GPHN: variants seen among roughly 807,000 people sequenced by gnomAD.
GPHN encodes gephyrin.
A neutral mutation model predicts 95.5 loss-of-function variants in GPHN; 17 were observed. That is an observed-to-expected ratio of 0.18 (90% CI 0.12 to 0.27). GPHN has a LOEUF of 0.27. Among genes scored for constraint, GPHN ranks in the 10% least tolerant of loss-of-function variants. The pLI, the probability that GPHN is intolerant of heterozygous loss-of-function variation, is 1.00. For synonymous variants in GPHN, 320 were observed against 322.5 expected (o/e 0.99, Z 0.08); for missense variants, 660 against 978.1 (o/e 0.67, Z 4.34).
the GPHN span, among the ~76,000 whole-genome samples, chr14:67,297,065 C>A: frequency 1.0e-3 from 154 of 152,094 alleles, no homozygotes; most frequent in Non-Finnish European, 1.9e-3. Context: ...TGATAATAGT[C>A]AAAAATAATA....
Position 67,174,967 on chromosome 14 carries a change from C to G in GPHN, c.2080-4611C>G, listed in dbSNP as rs907398344. Among the ~76,000 whole-genome samples, 4 of 152,050 alleles carry G rather than the reference C, an allele frequency of 2.6e-5. No individual in the cohort carries two copies. The South Asian group carries it at 8.3e-4, about 32-fold the overall frequency. ...AATTTGTTTAAGTTCTTTGTAGATT[C>G]TGGATATTAGCCCTTTGTCAGATGG... On this transcript the variant is annotated intron_variant, in intron 21 of 22. Coordinates refer to ENST00000478722, the MANE Select transcript of GPHN (RefSeq NM_020806.5).
intron 1 of GPHN, among the ~76,000 whole-genome samples, chr14:66,569,871 A>G (rs67583563): frequency 0.017 from 2,620 of 152,192 alleles, 30 homozygotes; most frequent in Non-Finnish European, 0.026. Flanking sequence ...TCACCATGAT[A>G]TATAATAGAT....
At chr14:67,430,839 T>C in the GPHN span, among the ~76,000 whole-genome samples, 1 of 152,172 alleles carries the variant, frequency 6.6e-6, no homozygotes, top group Non-Finnish European at 1.5e-5. Flanking sequence ...CTGAGGATTC[T>C]GTGATCAAAG....
In GPHN at chr14:66,760,986, C is replaced by A; in HGVS notation, c.144-15478C>A. ...GGAAGAGAAAATGGTATAGCAGTTA[C>A]CAGAGGATGTGGATATGGAAGATGC... On this transcript the variant is annotated intron_variant, in intron 2 of 22. Coordinates refer to ENST00000478722, the MANE Select transcript of GPHN (RefSeq NM_020806.5). 3 of 610,956 alleles carry A rather than the reference C, an allele frequency of 4.9e-6. No individual in the cohort carries two copies. The East Asian group carries it at 1.2e-4, about 25-fold the overall frequency. 37.8% of individuals were successfully genotyped at this position (610,956 alleles called of 1,614,324 possible).
At chr14:67,535,700 C>T in the GPHN span, among the ~76,000 whole-genome samples, 1 of 152,086 alleles carries the variant, frequency 6.6e-6, no homozygotes, top group Middle Eastern at 3.2e-3. Context: ...ATCTTTGGGC[C>T]ACATCTCCTT....
At chr14:67,653,934 A>G in the GPHN span, among the ~76,000 whole-genome samples, 1 of 151,942 alleles carries the variant, frequency 6.6e-6, no homozygotes, top group African/African-American at 2.4e-5. Context: ...TTTTTTCTTT[A>G]CCCTCTTAAG....
intron 9 of GPHN, chr14:66,996,328 T>G: frequency 1.3e-6 from 1 of 742,950 alleles, no homozygotes; most frequent in East Asian, 2.7e-5. Flanking sequence ...ACTTTGCACT[T>G]GCCTGAAAGG....
chr14:66,856,883 C>A (rs2062825950), intron 4 of GPHN, among the ~76,000 whole-genome samples: 1 of 151,564 alleles, frequency 6.6e-6, no homozygotes, highest in Non-Finnish European at 1.5e-5. Context: ...TTGATGTATG[C>A]CAAAAAGACA....
chr14:66,930,001 G>A (rs555660530), intron 8 of GPHN, among the ~76,000 whole-genome samples: 17 of 152,086 alleles, frequency 1.1e-4, no homozygotes, highest in Non-Finnish European at 1.8e-4. Flanking sequence ...GTGAGCCACC[G>A]CGCCCGGCCG....
the GPHN span, among the ~76,000 whole-genome samples, chr14:67,192,890 A>G: frequency 1.4e-5 from 2 of 146,362 alleles, no homozygotes; most frequent in African/African-American, 2.5e-5. Context: ...ATATATCTAG[A>G]TATCGATATC....
the GPHN span, chr14:67,200,235 C>A: frequency 3.1e-6 from 3 of 975,376 alleles, no homozygotes; most frequent in Non-Finnish European, 4.5e-6. Flanking sequence ...ACAACCCACA[C>A]CCTATGGCTA....
At chr14:67,250,945 A>G in the GPHN span, among the ~76,000 whole-genome samples, 1 of 152,208 alleles carries the variant, frequency 6.6e-6, no homozygotes, top group Non-Finnish European at 1.5e-5. Context: ...GTTATGCTGT[A>G]TGCTGTATCC....
Position 66,725,194 on chromosome 14 carries a change from C to G in GPHN, c.143+44009C>G, listed in dbSNP as rs868862340. Among the ~76,000 whole-genome samples, 7 of 152,294 alleles carry G rather than the reference C, an allele frequency of 4.6e-5. No homozygotes were observed. In the South Asian group the frequency reaches 1.5e-3, roughly 32 times the overall value. ...ATCAAAACCTGGCCATGCTGGCACC[C>G]TGATATTGGACTTTTGTTATGTAAT... On this transcript the variant is annotated intron_variant, in intron 2 of 22. Transcript: ENST00000478722.
At chr14:66,845,288 A>G (rs963158541) in intron 4 of GPHN, among the ~76,000 whole-genome samples, 3 of 152,164 alleles carry the variant, frequency 2.0e-5, no homozygotes, top group African/African-American at 7.2e-5. Context: ...TAGCAAAGAG[A>G]TCAGGGAAAC....
chr14:66,530,953 ATTTTTTT>A (rs569763873), intron 1 of GPHN, among the ~76,000 whole-genome samples: 4 of 121,184 alleles, frequency 3.3e-5, no homozygotes, highest in Non-Finnish European at 5.1e-5. Flanking sequence ...TGTTTGTTAG[ATTTTTTT>A]TTTTTTTTTT....
intron 5 of GPHN, among the ~76,000 whole-genome samples, chr14:66,890,458 A>T (rs1425679827): frequency 6.6e-6 from 1 of 151,986 alleles, no homozygotes; most frequent in African/African-American, 2.4e-5. Flanking sequence ...TTTACAAAAT[A>T]CCAGGACCAG....
At chr14:67,662,917 A>AAG in the GPHN span, 1 of 1,284,982 alleles carries the variant, frequency 7.8e-7, no homozygotes, top group Non-Finnish European at 9.8e-7. Flanking sequence ...AAAAAAAAAA[A>AAG]AAAAGAATGT....
At chr14:67,656,245 CAAA>C in the GPHN span, among the ~76,000 whole-genome samples, 1 of 126,992 alleles carries the variant, frequency 7.9e-6, no homozygotes. Flanking sequence ...GACTCTATCT[CAAA>C]AAAAAAAAAA....
chr14:67,243,489 A>AT, the GPHN span, among the ~76,000 whole-genome samples: 17,486 of 100,310 alleles, frequency 0.17, 1,916 homozygotes, highest in Non-Finnish European at 0.21. Flanking sequence ...CCAGAATATA[A>AT]TTTTTTTTTT....
Sources: gnomAD v4.1 joint callset for allele counts (sites outside exome capture counted in the v4.1 genomes callset) on GRCh38, gnomAD v4.1.1 for gene constraint, MANE v1.5 for transcripts, NCBI Gene and HGNC (gene_info 2026-07-23, HGNC 2026-07-21) for gene names.